Variants in ANHX observed in about 807,000 individuals in gnomAD.
The protein encoded by ANHX is anomalous homeobox protein.
ANHX carries 20 observed loss-of-function variants against 38.9 expected under a neutral mutation model. The ratio of observed to expected loss-of-function variants is 0.51; its 90% CI spans 0.36 to 0.75. The LOEUF (loss-of-function observed/expected upper bound fraction) is 0.75, where lower values mean the gene tolerates loss of function less well. Ranked by LOEUF, ANHX falls within the 30% of genes least tolerant of loss-of-function variation. The pLI, the probability that ANHX is intolerant of heterozygous loss-of-function variation, is 0.00. For synonymous variants in ANHX, 185 were observed against 203.1 expected (o/e 0.91, Z 0.76); for missense variants, 475 against 493.1 (o/e 0.96, Z 0.35).
intron 1 of ANHX, chr12:133,234,649 C>A (rs1957337755): frequency 4.8e-6 from 2 of 413,652 alleles, no homozygotes; most frequent in East Asian, 1.0e-4. Context: ...AACAGCTCCT[C>A]CACTGCTCTG....
intron 9 of ANHX, 73 bp downstream of exon 9, chr12:133,219,210 C>T: frequency 3.0e-6 from 4 of 1,350,148 alleles, no homozygotes; most frequent in Non-Finnish European, 4.1e-6. Flanking sequence ...ACTAGCTGAA[C>T]CCTCCTCAGC....
At chr12:133,219,465 C>T (rs1957079103) in intron 8 of ANHX, 98 bp from the exon 9 acceptor site, 2 of 777,874 alleles carry the variant, frequency 2.6e-6, no homozygotes, top group Admixed American at 5.6e-5. Flanking sequence ...AGGAGACATT[C>T]TAGTACTTGA....
intron 7 of ANHX, among the ~76,000 whole-genome samples, chr12:133,222,316 G>A (rs1957119024): frequency 6.6e-6 from 1 of 152,206 alleles, no homozygotes; most frequent in Non-Finnish European, 1.5e-5. Flanking sequence ...CGCAAGTGCA[G>A]CCCATGGTGA....
intron 7 of ANHX, among the ~76,000 whole-genome samples, chr12:133,222,681 C>T (rs557389165): frequency 2.6e-5 from 4 of 152,298 alleles, no homozygotes; most frequent in Admixed American, 2.0e-4. Flanking sequence ...TCCTGAGGCG[C>T]GAGCCCTAAG....
At chr12:133,234,596 C>T (rs1325104245) in intron 1 of ANHX, 2 of 530,262 alleles carry the variant, frequency 3.8e-6, no homozygotes, top group South Asian at 2.1e-5. Context: ...TAGTCCTTAA[C>T]GAACACGGCT....
rs142613020 is a variant in ANHX at position 133,218,832 on chromosome 12, C to A, written c.*53G>T. 1.0e-5 allele frequency: 14 copies of A among 1,351,778 alleles called. No homozygotes were observed. Among genetic ancestry groups the A allele is most frequent in the African/African-American group, 4.4e-5 (3 of 67,878 alleles). The allele number at this position is 1,351,778 out of a possible 1,614,324, so 83.7% of individuals were successfully genotyped here. On this transcript the variant is annotated 3_prime_UTR_variant, in exon 10 of 10. Coordinates refer to ENST00000545940, the MANE Select transcript of ANHX (RefSeq NM_001372060.1). ...TCTGTAACTCCTTGTGTTGACCAGG[C>A]AGACCATCCACACCCGCTCCTCCTG...
intron 2 of ANHX, 39 bp from the exon 3 acceptor site, chr12:133,231,683 A>G (rs754660158): frequency 1.6e-4 from 246 of 1,534,498 alleles, no homozygotes; most frequent in Non-Finnish European, 2.1e-4. Flanking sequence ...CCACCTGCCC[A>G]CCCTGGAGCA....
At position 133,234,667 on chromosome 12, in the gene ANHX, T is replaced by C. The variant is rs138157584; in HGVS notation, c.-22-289A>G. On this transcript the variant is annotated intron_variant, in intron 1 of 9. Transcript: ENST00000545940. ...AGCTCCTCCACTGCTCTGGGCTCAG[T>C]AGGGTAGGGACCTTGTGTGCAGGGG... 1,991 of 372,468 alleles carry C rather than the reference T, an allele frequency of 5.3e-3. 38 individuals are homozygous for C. Among genetic ancestry groups the C allele is most frequent in the African/African-American group, 0.035 (1,732 of 48,882 alleles). 23.1% of individuals were successfully genotyped at this position (372,468 alleles called of 1,614,324 possible). A position where few individuals can be genotyped will look rare whatever the true frequency, so the allele number is the denominator to read the frequency against.
chr12:133,226,399 G>T lies in ANHX; in HGVS notation c.758C>A (p.Thr253Asn). 1 of 1,536,214 alleles carries T rather than the reference G, an allele frequency of 6.5e-7. No individual in the cohort carries two copies. The highest frequency in any genetic ancestry group is 8.7e-7 in the Non-Finnish European group (1 of 1,146,886). Residue 253 changes from threonine to asparagine, a missense_variant, in exon 6 of 10, where the codon ACC becomes AAC. Transcript: ENST00000545940. ...CAGTGGCTCCCATGGTCCTTGGGTG[G>T]TCTGTGGGGACTGTGGAGGCCCCTT... ...EEKGPPQSPQ[T>N]TQGPWEPLAL...
rs760700021 is a variant in ANHX at position 133,234,283 on chromosome 12, G to A, written c.74C>T (p.Ala25Val). ...CAPPAELVTL[A>V]GRLCRDFQDD... ...CTGGAAGTCCCGGCACAGTCTGCCC[G>A]CAAGGGTCACCAGCTCCGCCGGGGG... Residue 25 changes from alanine to valine, a missense_variant, in exon 2 of 10, where the codon GCG (alanine) becomes GTG (valine). Physicochemically the swap from Ala to Val is moderately conservative, Grantham distance 64 (BLOSUM62 0). Coordinates refer to ENST00000545940, the MANE Select transcript of ANHX (RefSeq NM_001372060.1). 1.1e-5 allele frequency: 17 copies of A among 1,536,032 alleles called. No individual in the cohort carries two copies. Among genetic ancestry groups the A allele is most frequent in the African/African-American group, 5.5e-5 (4 of 73,048 alleles).
chr12:133,231,259 TCAGCCATCCGTTTC>T (rs1355477396), intron 3 of ANHX, among the ~76,000 whole-genome samples: 2 of 152,222 alleles, frequency 1.3e-5, no homozygotes, highest in Admixed American at 1.3e-4. Flanking sequence ...CACCCTGTGG[TCAGCCATCCGTTTC>T]CAGCCATCAG....
In ANHX at chr12:133,227,969, G is replaced by A. The variant is rs533514007; in HGVS notation, c.378-22C>T. On this transcript the variant is annotated intron_variant, in intron 3 of 9. Transcript: ENST00000545940. Reference sequence around the variant, plus strand: ...GTTCCTGGGTAAGGACAGTGAGGAGGTGGTAACAGACAGGACCCCTCCAAA... The same window carrying A: ...GTTCCTGGGTAAGGACAGTGAGGAGATGGTAACAGACAGGACCCCTCCAAA... 6 of 1,534,462 alleles carry A rather than the reference G, an allele frequency of 3.9e-6. No homozygotes were observed. In the African/African-American group the frequency reaches 6.8e-5, roughly 18 times the overall value.
In ANHX at chr12:133,231,532, A is replaced by G. The variant is rs1182184736; in HGVS notation, c.362T>C (p.Phe121Ser). ...GVAALTPVQK[F>S]RCRKRNPPPP... ...TGTAGGTTACCTCTTCCTGCAGCGG[A>G]ACTTCTGCACCGGGGTGAGCGCAGC... is the stretch of plus-strand genomic sequence containing the variant. Residue 121 changes from phenylalanine to serine, a missense_variant, in exon 3 of 10, where the codon TTC (phenylalanine) becomes TCC (serine). Physicochemically the swap from Phe to Ser is radical, Grantham distance 155 (BLOSUM62 -2). Coordinates refer to ENST00000545940, the MANE Select transcript of ANHX (RefSeq NM_001372060.1). The G allele has an allele frequency of 1.3e-6, 2 of 1,536,148 alleles. No homozygotes were observed. Among genetic ancestry groups the G allele is most frequent in the South Asian group, 2.4e-5 (2 of 84,062 alleles).
chr12:133,226,713 C>T (rs766366020), intron 5 of ANHX, among the ~76,000 whole-genome samples: 1 of 152,208 alleles, frequency 6.6e-6, no homozygotes, highest in Non-Finnish European at 1.5e-5. Context: ...GCTCCTGGCC[C>T]GGCCACACAG....
chr12:133,219,163 C>G, intron 9 of ANHX, 120 bp downstream of exon 9: 4 of 1,078,488 alleles, frequency 3.7e-6, no homozygotes, highest in African/African-American at 3.1e-5. Context: ...ATCTTTGCCC[C>G]TTGTTTATCT....
chr12:133,224,748 G>A (rs1237081533), intron 7 of ANHX, among the ~76,000 whole-genome samples: 3 of 150,998 alleles, frequency 2.0e-5, no homozygotes, highest in South Asian at 2.1e-4. Context: ...GGCGGATCAT[G>A]AGGTCAGGAG....
chr12:133,219,032 C>T, intron 9 of ANHX, 61 bp from the exon 10 acceptor site: 4 of 1,421,880 alleles, frequency 2.8e-6, no homozygotes, highest in Non-Finnish European at 2.8e-6. Flanking sequence ...ACCTGCCCTC[C>T]CACCTGGGCA....
rs1027507687 is a variant in ANHX, at chr12:133,234,536, G to T, written c.-22-158C>A. ...ACCTCACACATCCCGAGAGAGGGCA[G>T]CACCATAGCATACACCCTCTAGAAT... On this transcript the variant is annotated intron_variant, in intron 1 of 9. Coordinates refer to ENST00000545940, the MANE Select transcript of ANHX (RefSeq NM_001372060.1). 4 of 773,656 alleles carry T rather than the reference G, an allele frequency of 5.2e-6. No homozygotes were observed. In the African/African-American group the frequency reaches 5.3e-5, roughly 10 times the overall value. The allele number at this position is 773,656 out of a possible 1,614,324, so 47.9% of individuals were successfully genotyped here.
intron 7 of ANHX, among the ~76,000 whole-genome samples, chr12:133,224,454 G>A (rs1389910032): frequency 6.6e-6 from 1 of 151,594 alleles, no homozygotes; most frequent in Non-Finnish European, 1.5e-5. Flanking sequence ...TTGAGTTCAG[G>A]AGTTTGAGAC....
Sources: allele counts gnomAD v4.1 joint callset (sites outside exome capture counted in the v4.1 genomes callset), GRCh38; gene constraint gnomAD v4.1.1; transcripts MANE v1.5; gene names NCBI Gene and HGNC (gene_info 2026-07-23, HGNC 2026-07-21).